The following FOXP1 variants were observed in gnomAD, a reference collection of about 807,000 sequenced individuals.
The protein encoded by FOXP1 is forkhead box P1, also known as forkhead box protein P1.
A neutral mutation model predicts 98.2 loss-of-function variants in FOXP1; 15 were observed. The observed-to-expected ratio is 0.15, with a 90% confidence interval of 0.10 to 0.24. FOXP1 has a LOEUF of 0.24. Ranked by LOEUF, FOXP1 falls within the 10% of genes least tolerant of loss-of-function variation. The pLI, the probability that FOXP1 is intolerant of heterozygous loss-of-function variation, is 1.00. For missense variants in FOXP1, 633 were observed against 848.5 expected, an observed-to-expected ratio of 0.75 and a Z score of 3.15; for synonymous variants, 371 against 314.5, an observed-to-expected ratio of 1.18 and a Z score of -1.90.
rs142551542 is a variant in FOXP1 at position 70,970,720 on chromosome 3, C to T, written c.1722+16G>A. Reference sequence around the variant, plus strand: ...CTGTGCCTCTGCTGCATATTCGGGACGGCCGTTAATCTTACCTGTAAAGCT... The same window carrying T: ...CTGTGCCTCTGCTGCATATTCGGGATGGCCGTTAATCTTACCTGTAAAGCT... On this transcript the variant is annotated intron_variant, in intron 19 of 20. Transcript: ENST00000649528. The T allele has an allele frequency of 1.0e-3, 1,622 of 1,604,602 alleles. 15 individuals carry two copies. In the African/African-American group the frequency reaches 0.014, roughly 14 times the overall value.
At chr3:71,356,701 T>G (rs2107879508) in intron 4 of FOXP1, among the ~76,000 whole-genome samples, 1 of 152,084 alleles carries the variant, frequency 6.6e-6, no homozygotes, top group African/African-American at 2.4e-5. Flanking sequence ...AGCCAGGAAG[T>G]GGAAAAGGTG....
intron 18 of FOXP1, chr3:70,972,095 T>C: frequency 6.5e-7 from 1 of 1,531,116 alleles, no homozygotes; most frequent in Admixed American, 2.0e-5. Context: ...TTTAAACTCT[T>C]CATCATCAAC....
In FOXP1 at chr3:71,103,914, ATATT is replaced by A. The variant is rs368791489; in HGVS notation, c.282+8618_282+8621del. On this transcript the variant is annotated intron_variant, in intron 7 of 20. Transcript: ENST00000649528. ...CGTGCCCCCTTTCAACCACAGACGAATATTGTGTACAAAAATTCTAAATCAACTT... is the reference window on the plus strand; with the variant it reads ...CGTGCCCCCTTTCAACCACAGACGAAGTGTACAAAAATTCTAAATCAACTT... Among the ~76,000 whole-genome samples, 85 of 152,238 alleles carry A rather than the reference ATATT, an allele frequency of 5.6e-4. 1 individual carries two copies. The South Asian group carries it at 0.017, about 31-fold the overall frequency.
At chr3:71,298,452 G>A (rs944688196) in intron 5 of FOXP1, among the ~76,000 whole-genome samples, 16 of 151,638 alleles carry the variant, frequency 1.1e-4, no homozygotes, top group African/African-American at 3.9e-4. Flanking sequence ...GCAACAGAGC[G>A]AAACTCCGTC....
chr3:71,152,525 GCCCCA>G (rs1486043847), intron 6 of FOXP1, among the ~76,000 whole-genome samples: 3 of 152,182 alleles, frequency 2.0e-5, no homozygotes, highest in Non-Finnish European at 4.4e-5. Context: ...GGTGGGCTGA[GCCCCA>G]CCTGAAACCG....
chr3:71,031,291 A>G (rs1240588289), intron 11 of FOXP1, among the ~76,000 whole-genome samples: 2 of 152,246 alleles, frequency 1.3e-5, no homozygotes, highest in Non-Finnish European at 2.9e-5. Context: ...TTCCTTGAAG[A>G]CTATAAAAGG....
rs560915142 is a variant in FOXP1 at position 71,159,165 on chromosome 3, A to G, written c.180+39037T>C. 5.3e-5 allele frequency among the ~76,000 whole-genome samples: 8 copies of G among 151,864 alleles called. No individual in the cohort carries two copies. The South Asian group carries it at 1.5e-3, about 28-fold the overall frequency. On this transcript the variant is annotated intron_variant, in intron 6 of 20. Transcript: ENST00000649528. ...TTCAAAATTAAAAGAAAAACAACGCATGAAAATCAGCAGAAACTGAGAGTA... is the reference window on the plus strand; with the variant it reads ...TTCAAAATTAAAAGAAAAACAACGCGTGAAAATCAGCAGAAACTGAGAGTA...
At chr3:71,353,201 A>C (rs2077913711) in intron 4 of FOXP1, among the ~76,000 whole-genome samples, 1 of 152,286 alleles carries the variant, frequency 6.6e-6, no homozygotes, top group Admixed American at 6.5e-5. Context: ...TCAAAGCATT[A>C]AAGTAAAAAC....
chr3:71,074,080 T>C (rs1337327725), intron 7 of FOXP1, among the ~76,000 whole-genome samples: 1 of 152,204 alleles, frequency 6.6e-6, no homozygotes, highest in Non-Finnish European at 1.5e-5. Flanking sequence ...GGTAACAAGA[T>C]GGCTGAGAAA....
chr3:71,049,548 T>C (rs1559814219), intron 9 of FOXP1, among the ~76,000 whole-genome samples: 1 of 149,834 alleles, frequency 6.7e-6, no homozygotes, highest in Non-Finnish European at 1.5e-5. Context: ...AAGGCAACTT[T>C]AGGAGGGAAG....
At chr3:71,458,579 CA>C (rs2087721043) in intron 3 of FOXP1, among the ~76,000 whole-genome samples, 1 of 152,108 alleles carries the variant, frequency 6.6e-6, no homozygotes, top group African/African-American at 2.4e-5. Context: ...GGTATGTGAG[CA>C]AAATAACAGA....
At chr3:71,454,760 G>A (rs548692614) in intron 3 of FOXP1, among the ~76,000 whole-genome samples, 13 of 151,562 alleles carry the variant, frequency 8.6e-5, no homozygotes, top group African/African-American at 2.4e-5. Flanking sequence ...TGTGGAATAC[G>A]TGGATTCGAA....
intron 6 of FOXP1, among the ~76,000 whole-genome samples, chr3:71,164,221 A>G (rs1225625796): frequency 6.6e-6 from 1 of 151,960 alleles, no homozygotes; most frequent in Admixed American, 6.6e-5. Flanking sequence ...TTTTTTTGAA[A>G]CAGAGTCTTG....
intron 13 of FOXP1, among the ~76,000 whole-genome samples, chr3:70,994,509 C>T (rs1035587636): frequency 2.0e-5 from 3 of 152,202 alleles, no homozygotes; most frequent in Non-Finnish European, 2.9e-5. Context: ...ACCCTTTCCA[C>T]TGTCACCTTC....
At chr3:71,278,558 A>G (rs1057050678) in intron 5 of FOXP1, among the ~76,000 whole-genome samples, 2 of 151,874 alleles carry the variant, frequency 1.3e-5, no homozygotes, top group East Asian at 2.0e-4. Flanking sequence ...TGAGGCAGGC[A>G]GATCACAAGG....
chr3:71,134,660 G>C (rs1411831259), intron 6 of FOXP1, among the ~76,000 whole-genome samples: 1 of 152,214 alleles, frequency 6.6e-6, no homozygotes, highest in Non-Finnish European at 1.5e-5. Flanking sequence ...TGAGAACAGA[G>C]AAGCACGAAA....
At chr3:71,504,170 C>A (rs2041632241) in intron 2 of FOXP1, among the ~76,000 whole-genome samples, 2 of 151,998 alleles carry the variant, frequency 1.3e-5, no homozygotes, top group African/African-American at 4.8e-5. Context: ...TAATTTTATG[C>A]CTCAAATCGA....
At chr3:71,327,591 G>A (rs1315147653) in intron 4 of FOXP1, among the ~76,000 whole-genome samples, 3 of 151,446 alleles carry the variant, frequency 2.0e-5, no homozygotes, top group Non-Finnish European at 4.4e-5. Context: ...GTTTCACCGT[G>A]TTAGCCAGGA....
chr3:71,357,082 G>C (rs1009201062), intron 4 of FOXP1, among the ~76,000 whole-genome samples: 4 of 152,126 alleles, frequency 2.6e-5, no homozygotes, highest in Non-Finnish European at 5.9e-5. Context: ...TCCCGTCCTT[G>C]AGTCTACATA....
Sources: gnomAD v4.1 joint callset for allele counts (sites outside exome capture counted in the v4.1 genomes callset) on GRCh38, gnomAD v4.1.1 for gene constraint, MANE v1.5 for transcripts, NCBI Gene and HGNC (gene_info 2026-07-23, HGNC 2026-07-21) for gene names.